The following BANP variants were observed in gnomAD, a reference collection of about 807,000 sequenced individuals.
The protein encoded by BANP is BTG3 associated nuclear protein.
In BANP, 11 loss-of-function variants were observed where a neutral mutation model predicts 68.1. The observed-to-expected ratio is 0.16, with a 90% CI of 0.10 to 0.27. The LOEUF is 0.27. Ranked by LOEUF, BANP falls within the 10% of genes least tolerant of loss-of-function variation. BANP has a pLI of 1.00. For synonymous variants in BANP, 329 were observed against 303.2 expected (o/e 1.09, Z -0.88); for missense variants, 504 against 722.7 (o/e 0.70, Z 3.47).
chr16:88,076,740 G>T lies in BANP; in HGVS notation c.*79G>T, dbSNP rs117893382. 10 of 1,208,666 alleles carry T rather than the reference G, an allele frequency of 8.3e-6. No individual in the cohort carries two copies. Among genetic ancestry groups the T allele is most frequent in the Non-Finnish European group, 1.0e-5 (9 of 871,458 alleles). 74.9% of individuals were successfully genotyped at this position (1,208,666 alleles called of 1,614,324 possible). On this transcript the variant is annotated 3_prime_UTR_variant, in exon 14 of 14. Coordinates refer to ENST00000682872, the MANE Select transcript of BANP (RefSeq NM_001386991.1). Reference sequence around the variant, plus strand: ...CCACGCGCCCTGCTCTCACGGCCTCGGCACAGGCAGCGGCTGCACGTGTTC... The same window carrying T: ...CCACGCGCCCTGCTCTCACGGCCTCTGCACAGGCAGCGGCTGCACGTGTTC...
At chr16:88,073,401 C>T (rs1005981896) in intron 13 of BANP, among the ~76,000 whole-genome samples, 2 of 151,868 alleles carry the variant, frequency 1.3e-5, no homozygotes, top group Non-Finnish European at 2.9e-5. Flanking sequence ...TGCAGAGGCA[C>T]GCCCTGTACT....
chr16:88,041,060 C>T (rs1353200478), intron 11 of BANP, among the ~76,000 whole-genome samples: 4 of 152,232 alleles, frequency 2.6e-5, no homozygotes, highest in African/African-American at 9.7e-5. Flanking sequence ...GTGCCCTGTG[C>T]CCTGTGCCCC....
At chr16:88,073,718 C>T (rs1247883695) in intron 13 of BANP, among the ~76,000 whole-genome samples, 1 of 152,194 alleles carries the variant, frequency 6.6e-6, no homozygotes, top group African/African-American at 2.4e-5. Flanking sequence ...TGCAGGAGGG[C>T]AGTGAGGTCC....
rs369579591 is a variant in BANP, at chr16:88,004,183, C to T, written c.363-112C>T. On this transcript the variant is annotated intron_variant, in intron 4 of 13. Coordinates refer to ENST00000682872, the MANE Select transcript of BANP (RefSeq NM_001386991.1). The surrounding 1 kb of genome is among the most constrained non-coding windows in gnomAD (Gnocchi z 7.0). ...ATGTTGAATGACTCTTAGGCCTCCCCCTCAGTGCGGGTCCCTGGGAGTGGA... is the reference window on the plus strand; with the variant it reads ...ATGTTGAATGACTCTTAGGCCTCCCTCTCAGTGCGGGTCCCTGGGAGTGGA... 2 of 727,470 alleles carry T rather than the reference C, an allele frequency of 2.7e-6. No homozygotes were observed. The highest frequency in any genetic ancestry group is 2.7e-5 in the East Asian group (1 of 36,862). The allele number at this position is 727,470 out of a possible 1,614,324, so 45.1% of individuals were successfully genotyped here.
intron 1 of BANP, among the ~76,000 whole-genome samples, chr16:87,964,941 C>T (rs991399237): frequency 6.6e-6 from 1 of 152,092 alleles, no homozygotes; most frequent in African/African-American, 2.4e-5. Context: ...TGAGACGACC[C>T]CTTAGGGGAG....
intron 11 of BANP, 125 bp downstream of exon 11, chr16:88,038,136 CGAGGGGTGGGGCTCTCACGG>C: frequency 4.4e-6 from 1 of 227,424 alleles, no homozygotes. Context: ...ATTGCGCTGC[CGAGGGGTGGGGCTCTCACGG>C]GAGGGGTGGG....
At chr16:88,060,810 G>A (rs996070261) in intron 11 of BANP, among the ~76,000 whole-genome samples, 2 of 152,148 alleles carry the variant, frequency 1.3e-5, no homozygotes, top group African/African-American at 2.4e-5. Context: ...TTGTGCACGC[G>A]TCATGCAGAT....
chr16:88,074,684 C>T (rs1337870197), intron 13 of BANP, among the ~76,000 whole-genome samples: 3 of 151,960 alleles, frequency 2.0e-5, no homozygotes, highest in African/African-American at 4.8e-5. Flanking sequence ...GCATCCCAGG[C>T]GGTGGCCCCC....
intron 11 of BANP, among the ~76,000 whole-genome samples, chr16:88,061,686 C>T (rs555364031): frequency 4.1e-5 from 6 of 147,750 alleles, no homozygotes; most frequent in Middle Eastern, 3.7e-3. Flanking sequence ...TTTTTTGAGA[C>T]GGAGTTTTTG....
At chr16:87,977,507 G>A (rs1360502698) in intron 2 of BANP, among the ~76,000 whole-genome samples, 5 of 152,262 alleles carry the variant, frequency 3.3e-5, no homozygotes, top group South Asian at 2.1e-4. Context: ...GAAGGTGTGC[G>A]CAGCTGCAGG....
At chr16:87,968,565 T>C (rs981679897) in intron 1 of BANP, among the ~76,000 whole-genome samples, 2 of 152,154 alleles carry the variant, frequency 1.3e-5, no homozygotes, top group Non-Finnish European at 2.9e-5. Flanking sequence ...GAAGGCTGTA[T>C]TGATGACATG....
chr16:88,030,670 G>C (rs2077984869), intron 8 of BANP, among the ~76,000 whole-genome samples: 1 of 152,228 alleles, frequency 6.6e-6, no homozygotes, highest in Non-Finnish European at 1.5e-5. Flanking sequence ...ATTTGCACAG[G>C]AGTAGACGGT....
Position 88,018,305 on chromosome 16 carries a change from A to G in BANP, c.656-123A>G. 7.9e-7 allele frequency: 1 copy of G among 1,261,394 alleles called. No homozygotes were observed. Among genetic ancestry groups the G allele is most frequent in the Non-Finnish European group, 1.1e-6 (1 of 913,308 alleles). The allele number at this position is 1,261,394 out of a possible 1,614,324, so 78.1% of individuals were successfully genotyped here. ...CTTGGTGACTGCCTCACAAGTTACG[A>G]GGGATTTGCCCAGCCCTGCGTGGAG... On this transcript the variant is annotated intron_variant, in intron 6 of 13. Coordinates refer to ENST00000682872, the MANE Select transcript of BANP (RefSeq NM_001386991.1). The surrounding 1 kb of genome is among the most constrained non-coding windows in gnomAD (Gnocchi z 7.7).
chr16:88,031,775 C>A lies in BANP; in HGVS notation c.1064-1334C>A, dbSNP rs1160727713. 2.6e-5 allele frequency among the ~76,000 whole-genome samples: 4 copies of A among 151,724 alleles called. 1 individual carries two copies. In the South Asian group the frequency reaches 8.3e-4, roughly 32 times the overall value. On this transcript the variant is annotated intron_variant, in intron 8 of 13. Coordinates refer to ENST00000682872, the MANE Select transcript of BANP (RefSeq NM_001386991.1). ...GGTAAAAAATACATGGAAAGCTTTT[C>A]TCTCCCCTCCCCCGCTCTTGCCCTC...
At chr16:88,033,031 C>G in intron 8 of BANP, 78 bp from the exon 9 acceptor site, 2 of 1,416,280 alleles carry the variant, frequency 1.4e-6, no homozygotes, top group Middle Eastern at 2.6e-4. Flanking sequence ...CAGTGGGGGA[C>G]GGGGGTGCAC....
intron 4 of BANP, among the ~76,000 whole-genome samples, chr16:87,995,215 G>A (rs1222243968): frequency 6.6e-6 from 1 of 152,232 alleles, no homozygotes; most frequent in African/African-American, 2.4e-5. Flanking sequence ...GGGGGCTCCC[G>A]GGACAGCCCC....
intron 4 of BANP, among the ~76,000 whole-genome samples, chr16:87,991,760 A>G (rs186814294): frequency 1.3e-5 from 2 of 152,336 alleles, no homozygotes; most frequent in East Asian, 1.9e-4. Flanking sequence ...TGTCATTTCT[A>G]AATGAACTTG....
intron 13 of BANP, among the ~76,000 whole-genome samples, chr16:88,074,455 G>A (rs1158796274): frequency 7.9e-5 from 12 of 152,086 alleles, no homozygotes; most frequent in Admixed American, 5.2e-4. Flanking sequence ...ATTTGCAGGG[G>A]AAGACACTTG....
chr16:88,031,359 T>C (rs1206080755), intron 8 of BANP, among the ~76,000 whole-genome samples: 1 of 152,218 alleles, frequency 6.6e-6, no homozygotes, highest in Non-Finnish European at 1.5e-5. Context: ...ATTCTGTTAA[T>C]GTGACTGGGC....
Sources: gnomAD v4.1 joint callset for allele counts (sites outside exome capture counted in the v4.1 genomes callset) on GRCh38, gnomAD v4.1.1 for gene constraint, Gnocchi (gnomAD v3.1) non-coding constraint, MANE v1.5 for transcripts, NCBI Gene and HGNC (gene_info 2026-07-23, HGNC 2026-07-21) for gene names.